The following ACTN1 variants were observed in gnomAD, a reference collection of about 807,000 sequenced individuals.
ACTN1 encodes the protein alpha-actinin-1.
A neutral mutation model predicts 119.6 loss-of-function variants in ACTN1; 30 were observed. The ratio of observed to expected loss-of-function variants is 0.25; its 90% CI spans 0.19 to 0.34. The LOEUF (loss-of-function observed/expected upper bound fraction) is 0.34, where lower values mean the gene tolerates loss of function less well. Among genes scored for constraint, ACTN1 ranks in the 10% least tolerant of loss-of-function variants. The probability of loss-of-function intolerance (pLI) is 1.00; values close to 1 mark genes in which losing one functional copy is unlikely to be tolerated. For synonymous variants in ACTN1, 429 were observed against 472.6 expected, an observed-to-expected ratio of 0.91 and a Z score of 1.20; for missense variants, 764 against 1,223.4, an observed-to-expected ratio of 0.62 and a Z score of 5.60.
chr14:68,939,987 T>C (rs1594849634), intron 1 of ACTN1, among the ~76,000 whole-genome samples: 1 of 152,218 alleles, frequency 6.6e-6, no homozygotes, highest in Non-Finnish European at 1.5e-5. Flanking sequence ...CAGTGGCTGG[T>C]AAGCCTGCTG....
At chr14:68,902,627 G>A (rs1009808431) in intron 7 of ACTN1, 65 bp from the exon 8 acceptor site, 2 of 1,397,392 alleles carry the variant, frequency 1.4e-6, no homozygotes, top group South Asian at 2.4e-5. Flanking sequence ...CCCGACGTGA[G>A]GCAGAAAGAA....
At chr14:68,936,979 GTAC>G in intron 1 of ACTN1, 1 of 369,870 alleles carries the variant, frequency 2.7e-6, no homozygotes, top group Non-Finnish European at 5.2e-6. Flanking sequence ...CACCTCTGAT[GTAC>G]TCCAGGGTCT....
chr14:68,958,419 T>G (rs1180136478), intron 1 of ACTN1, among the ~76,000 whole-genome samples: 1 of 152,154 alleles, frequency 6.6e-6, no homozygotes, highest in Non-Finnish European at 1.5e-5. Context: ...CACACCTCTG[T>G]GCTCTCAGGG....
Position 68,925,035 on chromosome 14 carries a change from A to C in ACTN1, c.220+523T>G, listed in dbSNP as rs113129538. Among the ~76,000 whole-genome samples, 3 of 152,174 alleles carry C rather than the reference A, an allele frequency of 2.0e-5. No individual in the cohort carries two copies. Among genetic ancestry groups the C allele is most frequent in the African/African-American group, 7.2e-5 (3 of 41,434 alleles). ...CGGCATCAAGGTGAAGAGAGTAGCT[A>C]ACATGGCCCAGTGTATCAACCAAGG... On this transcript the variant is annotated intron_variant, in intron 2 of 21. Transcript: ENST00000394419. The surrounding 1 kb of genome is among the most constrained non-coding windows in gnomAD (Gnocchi z 4.3).
intron 4 of ACTN1, among the ~76,000 whole-genome samples, 183 bp from the exon 5 acceptor site, chr14:68,910,225 G>T (rs537418480): frequency 3.4e-4 from 52 of 152,228 alleles, no homozygotes; most frequent in African/African-American, 1.1e-3. Context: ...AACAGAAAAA[G>T]CAAGCTGGGA....
At chr14:68,916,865 G>A (rs1318536425) in intron 3 of ACTN1, among the ~76,000 whole-genome samples, 1 of 152,122 alleles carries the variant, frequency 6.6e-6, no homozygotes, top group African/African-American at 2.4e-5. Flanking sequence ...CAGGGACACC[G>A]TCATCTGTTC....
At chr14:68,890,345 T>C in intron 10 of ACTN1, 59 bp from the exon 11 acceptor site, 4 of 1,593,368 alleles carry the variant, frequency 2.5e-6, no homozygotes, top group Non-Finnish European at 3.4e-6. Flanking sequence ...TCAGGTCCCC[T>C]AGCCCCCTAG....
In ACTN1 at chr14:68,902,652, C is replaced by G. The variant is rs1452795470; in HGVS notation, c.677-90G>C. On this transcript the variant is annotated intron_variant, in intron 7 of 21. Coordinates refer to ENST00000394419, the MANE Select transcript of ACTN1 (RefSeq NM_001130004.2). Reference sequence around the variant, plus strand: ...GGCAGAAAGAAGCTCGCAGCACCACCAAGTCTTCTTGCCAAAATGTGGAGC... The same window carrying G: ...GGCAGAAAGAAGCTCGCAGCACCACGAAGTCTTCTTGCCAAAATGTGGAGC... 6.4e-6 allele frequency: 7 copies of G among 1,102,322 alleles called. No homozygotes were observed. In the South Asian group the frequency reaches 9.1e-5, roughly 14 times the overall value. The allele number at this position is 1,102,322 out of a possible 1,614,324, so 68.3% of individuals were successfully genotyped here.
chr14:68,905,374 T>G (rs1051201049), intron 6 of ACTN1, among the ~76,000 whole-genome samples: 15 of 152,208 alleles, frequency 9.9e-5, no homozygotes, highest in African/African-American at 3.4e-4. Flanking sequence ...GAATGTCAAA[T>G]GCTGTGAGAA....
intron 3 of ACTN1, among the ~76,000 whole-genome samples, chr14:68,914,936 G>A (rs981449534): frequency 1.3e-5 from 2 of 152,162 alleles, no homozygotes; most frequent in Non-Finnish European, 2.9e-5. Flanking sequence ...TGGCCACAAG[G>A]AGCACGCATT....
chr14:68,898,884 A>G (rs1566613684), intron 8 of ACTN1, among the ~76,000 whole-genome samples: 1 of 151,688 alleles, frequency 6.6e-6, no homozygotes, highest in Non-Finnish European at 1.5e-5. Context: ...CCCACACGCC[A>G]TCCACATCCC....
In ACTN1 at chr14:68,962,299, G is replaced by A. The variant is rs2036565351; in HGVS notation, c.105+16653C>T. On this transcript the variant is annotated intron_variant, in intron 1 of 21. Coordinates refer to ENST00000394419, the MANE Select transcript of ACTN1 (RefSeq NM_001130004.2). ...CTTGGCGAGCAAGCAGGAGAGGCAGGGCTGACTCACCAGCTCGCAGGTGGA... is the reference window on the plus strand; with the variant it reads ...CTTGGCGAGCAAGCAGGAGAGGCAGAGCTGACTCACCAGCTCGCAGGTGGA... Among the ~76,000 whole-genome samples the A allele has an allele frequency of 2.0e-5, 3 of 152,134 alleles. No individual in the cohort carries two copies. In the South Asian group the frequency reaches 6.2e-4, roughly 32 times the overall value.
chr14:68,912,326 GC>G, intron 3 of ACTN1, 84 bp from the exon 4 acceptor site: 1 of 1,054,094 alleles, frequency 9.5e-7, no homozygotes, highest in Non-Finnish European at 1.5e-6. Context: ...AGCACTCCAT[GC>G]CCCACGCTAG....
intron 1 of ACTN1, among the ~76,000 whole-genome samples, chr14:68,963,721 C>A (rs1269198726): frequency 3.3e-5 from 5 of 152,248 alleles, no homozygotes; most frequent in African/African-American, 1.2e-4. Context: ...ACTATGATAT[C>A]ATTTCTTCTC....
intron 8 of ACTN1, among the ~76,000 whole-genome samples, chr14:68,897,626 A>T (rs887636273): frequency 6.6e-6 from 1 of 152,080 alleles, no homozygotes; most frequent in East Asian, 1.9e-4. Context: ...CGAGGATCTC[A>T]TCTATGTCAT....
chr14:68,962,459 A>T (rs1156386742), intron 1 of ACTN1, among the ~76,000 whole-genome samples: 1 of 151,964 alleles, frequency 6.6e-6, no homozygotes, highest in Non-Finnish European at 1.5e-5. Context: ...CAGGTCACTT[A>T]CCCACCCTCC....
chr14:68,899,134 C>T (rs1390794865), intron 8 of ACTN1, among the ~76,000 whole-genome samples: 3 of 145,124 alleles, frequency 2.1e-5, no homozygotes, highest in Admixed American at 6.9e-5. Context: ...ACACCACACC[C>T]ACACCTCACC....
At chr14:68,922,436 G>C (rs1193406583) in intron 2 of ACTN1, among the ~76,000 whole-genome samples, 1 of 152,228 alleles carries the variant, frequency 6.6e-6, no homozygotes, top group Non-Finnish European at 1.5e-5. Flanking sequence ...CTGCAACCCA[G>C]CAAGGTACCC....
intron 1 of ACTN1, among the ~76,000 whole-genome samples, chr14:68,974,665 C>A (rs2037003192): frequency 6.6e-6 from 1 of 152,194 alleles, no homozygotes; most frequent in Admixed American, 6.5e-5. Flanking sequence ...CTGCCAATGG[C>A]CATTATTGGC....
Sources: gnomAD v4.1 joint callset for allele counts (sites outside exome capture counted in the v4.1 genomes callset) on GRCh38, gnomAD v4.1.1 for gene constraint, Gnocchi (gnomAD v3.1) non-coding constraint, MANE v1.5 for transcripts, NCBI Gene and HGNC (gene_info 2026-07-23, HGNC 2026-07-21) for gene names.